Variants in GPC5 observed in about 807,000 individuals in gnomAD.
GPC5 encodes the protein glypican 5, also known as glypican-5.
GPC5 carries 47 observed loss-of-function variants against 53.9 expected under a neutral mutation model. The ratio of observed to expected loss-of-function variants is 0.87; its 90% CI spans 0.69 to 1.11. The LOEUF is 1.11. GPC5 is among the 50% of genes most tolerant of loss of function. GPC5 has a pLI of 0.00. For synonymous variants in GPC5, 286 were observed against 263.3 expected, an observed-to-expected ratio of 1.09 and a Z score of -0.84; for missense variants, 748 against 713.1, an observed-to-expected ratio of 1.05 and a Z score of -0.56.
intron 7 of GPC5, among the ~76,000 whole-genome samples, chr13:92,632,503 C>T (rs766394033): frequency 2.2e-5 from 3 of 135,838 alleles, no homozygotes; most frequent in Admixed American, 7.4e-5. Context: ...TATATATGCA[C>T]ACACACATAT....
At chr13:92,238,502 T>C (rs1404609190) in intron 7 of GPC5, among the ~76,000 whole-genome samples, 1 of 152,106 alleles carries the variant, frequency 6.6e-6, no homozygotes, top group Non-Finnish European at 1.5e-5. Context: ...ATCTCTTCAT[T>C]AGAGAAATGT....
chr13:92,257,545 G>GCTTTTTTTTTT (rs1566507028), intron 7 of GPC5, among the ~76,000 whole-genome samples: 1 of 50,054 alleles, frequency 2.0e-5, no homozygotes, highest in Non-Finnish European at 3.8e-5. Context: ...CTAATACAGG[G>GCTTTTTTTTTT]ATTTTTTTTT....
intron 7 of GPC5, among the ~76,000 whole-genome samples, chr13:92,320,077 A>G: frequency 6.6e-6 from 1 of 152,140 alleles, no homozygotes; most frequent in Non-Finnish European, 1.5e-5. Context: ...TTTTTGAACA[A>G]CAAATTCTCT....
At chr13:91,560,177 A>G (rs1162769025) in intron 2 of GPC5, among the ~76,000 whole-genome samples, 3 of 152,154 alleles carry the variant, frequency 2.0e-5, no homozygotes, top group Non-Finnish European at 2.9e-5. Context: ...CTTCCCTGGC[A>G]TGAATTGGAG....
At chr13:91,994,085 T>C (rs1177133802) in intron 6 of GPC5, among the ~76,000 whole-genome samples, 1 of 152,208 alleles carries the variant, frequency 6.6e-6, no homozygotes, top group African/African-American at 2.4e-5. Flanking sequence ...GAACAGTATA[T>C]GCCACTTTGG....
chr13:91,642,544 C>T (rs2034455111), intron 2 of GPC5, among the ~76,000 whole-genome samples: 1 of 151,922 alleles, frequency 6.6e-6, no homozygotes, highest in Non-Finnish European at 1.5e-5. Flanking sequence ...TTGTCAGCCA[C>T]CACAGAAAGG....
At chr13:92,666,916 A>T (rs1886588983) in intron 7 of GPC5, among the ~76,000 whole-genome samples, 1 of 152,138 alleles carries the variant, frequency 6.6e-6, no homozygotes, top group African/African-American at 2.4e-5. Context: ...TCAGGAAGGG[A>T]TCTCATTTGT....
chr13:91,837,498 AG>A (rs1441229081), intron 5 of GPC5, among the ~76,000 whole-genome samples: 1 of 152,110 alleles, frequency 6.6e-6, no homozygotes, highest in African/African-American at 2.4e-5. Flanking sequence ...TTTAGGCCAC[AG>A]GGGAAACATT....
intron 7 of GPC5, among the ~76,000 whole-genome samples, chr13:92,399,230 G>T (rs1479033325): frequency 6.6e-6 from 1 of 152,056 alleles, no homozygotes; most frequent in African/African-American, 2.4e-5. Flanking sequence ...ATAAATTAGG[G>T]TACCTACTCT....
intron 7 of GPC5, among the ~76,000 whole-genome samples, chr13:92,547,949 C>G (rs935080033): frequency 6.6e-6 from 1 of 150,544 alleles, no homozygotes. Context: ...CCTGCCACAG[C>G]CTCCCGAGGA....
intron 7 of GPC5, among the ~76,000 whole-genome samples, chr13:92,513,095 G>A (rs1399715663): frequency 2.6e-5 from 4 of 152,286 alleles, no homozygotes; most frequent in South Asian, 2.1e-4. Context: ...GGTCACCGGC[G>A]GAAGGCCATG....
In GPC5 at chr13:92,589,765, G is replaced by T. The variant is rs992387854; in HGVS notation, c.1562-276517G>T. Among the ~76,000 whole-genome samples, 3 of 152,308 alleles carry T rather than the reference G, an allele frequency of 2.0e-5. No homozygotes were observed. In the South Asian group the frequency reaches 6.2e-4, roughly 32 times the overall value. On this transcript the variant is annotated intron_variant, in intron 7 of 7. Coordinates refer to ENST00000377067, the MANE Select transcript of GPC5 (RefSeq NM_004466.6). ...GTTAAACTAGAGAGAAGTCCACATA[G>T]GATTCAGAGTTAGTATTTTGTATGC...
At chr13:91,806,761 A>G (rs1043817659) in intron 5 of GPC5, among the ~76,000 whole-genome samples, 9 of 152,184 alleles carry the variant, frequency 5.9e-5, no homozygotes, top group African/African-American at 2.2e-4. Context: ...TATTAGTGAG[A>G]GTGGGAAGTG....
At chr13:92,676,010 G>A (rs1025229895) in intron 7 of GPC5, among the ~76,000 whole-genome samples, 2 of 151,996 alleles carry the variant, frequency 1.3e-5, no homozygotes, top group African/African-American at 2.4e-5. Flanking sequence ...AAAGTAAATG[G>A]CACTATTTTA....
chr13:92,436,366 G>A (rs1434468154), intron 7 of GPC5, among the ~76,000 whole-genome samples: 1 of 152,084 alleles, frequency 6.6e-6, no homozygotes, highest in Non-Finnish European at 1.5e-5. Flanking sequence ...ATACTTCTGG[G>A]AAGAAAAGTG....
At chr13:91,576,723 T>G (rs868544978) in intron 2 of GPC5, among the ~76,000 whole-genome samples, 3 of 152,118 alleles carry the variant, frequency 2.0e-5, no homozygotes, top group African/African-American at 7.2e-5. Flanking sequence ...TGCCAGCAAC[T>G]GTTATCTTAA....
intron 7 of GPC5, among the ~76,000 whole-genome samples, chr13:92,751,817 G>C (rs886942518): frequency 1.2e-4 from 19 of 152,066 alleles, no homozygotes; most frequent in African/African-American, 4.3e-4. Flanking sequence ...TAAGTTTGCA[G>C]CCCCATAGTT....
chr13:91,482,864 G>GTT (rs111997854), intron 2 of GPC5, among the ~76,000 whole-genome samples: 4,013 of 142,310 alleles, frequency 0.028, 157 homozygotes, highest in African/African-American at 0.091. Context: ...GAGAATGCAG[G>GTT]TTTTTTTTTT....
chr13:91,498,489 C>T (rs191323416), intron 2 of GPC5, among the ~76,000 whole-genome samples: 188 of 152,178 alleles, frequency 1.2e-3, no homozygotes, highest in Non-Finnish European at 2.1e-3. Context: ...AGGGGAAGGA[C>T]TTCACCATAA....
Sources: allele counts gnomAD v4.1 joint callset (sites outside exome capture counted in the v4.1 genomes callset), GRCh38; gene constraint gnomAD v4.1.1; transcripts MANE v1.5; gene names NCBI Gene and HGNC (gene_info 2026-07-23, HGNC 2026-07-21).